The following EYS variants were observed in gnomAD, a reference collection of about 807,000 sequenced individuals.
EYS encodes EGF-like photoreceptor maintenance factor, also known as protein eyes shut homolog.
Under a neutral mutation model 282.1 loss-of-function variants are expected in EYS, and 250 were observed. That is an observed-to-expected ratio of 0.89 (90% CI 0.80 to 0.98). The LOEUF is 0.98. Among genes scored for constraint, EYS ranks in the 50% least tolerant of loss-of-function variants. The probability of loss-of-function intolerance (pLI) is 0.00; values close to 1 mark genes in which losing one functional copy is unlikely to be tolerated. For missense variants in EYS, 4,016 were observed against 3,709.0 expected (o/e 1.08, Z -2.15); for synonymous variants, 1,355 against 1,282.9 (o/e 1.06, Z -1.20).
At position 64,854,953 on chromosome 6, in the gene EYS, GT is replaced by G. The variant is rs1766007549; in HGVS notation, c.2992+31743del. On this transcript the variant is annotated intron_variant, in intron 19 of 42. Transcript: ENST00000503581. ...AAGATATTTTCATTTAGACTTTTGT[GT>G]TGACAGTTTTTTTAAATATCATTAC... Among the ~76,000 whole-genome samples the G allele has an allele frequency of 2.6e-5, 4 of 152,136 alleles. No homozygotes were observed. The South Asian group carries it at 8.3e-4, about 32-fold the overall frequency.
intron 8 of EYS, among the ~76,000 whole-genome samples, chr6:65,359,965 A>T (rs1189085956): frequency 2.0e-5 from 3 of 151,852 alleles, no homozygotes; most frequent in African/African-American, 7.2e-5. Flanking sequence ...AAGACATAAA[A>T]CCTTTATACT....
At chr6:65,290,088 G>A (rs1768481460) in intron 12 of EYS, among the ~76,000 whole-genome samples, 2 of 150,996 alleles carry the variant, frequency 1.3e-5, no homozygotes, top group South Asian at 2.1e-4. Context: ...TAGAATACAG[G>A]CAAAGCAATA....
intron 33 of EYS, among the ~76,000 whole-genome samples, chr6:64,065,954 G>A (rs758849948): frequency 9.9e-5 from 15 of 152,056 alleles, no homozygotes; most frequent in Admixed American, 3.9e-4. Flanking sequence ...TGTTACACAC[G>A]TAAATAACAT....
intron 22 of EYS, among the ~76,000 whole-genome samples, chr6:64,797,048 A>T (rs1056977695): frequency 2.0e-5 from 3 of 152,120 alleles, no homozygotes; most frequent in African/African-American, 7.2e-5. Context: ...AATTTCAAAC[A>T]AGGAGAAAAA....
intron 19 of EYS, among the ~76,000 whole-genome samples, chr6:64,877,072 C>T (rs1023251062): frequency 6.6e-6 from 1 of 152,082 alleles, no homozygotes; most frequent in African/African-American, 2.4e-5. Context: ...GGGGCTTAGA[C>T]TAGGATCATT....
chr6:63,990,691 A>G (rs999406631), intron 34 of EYS, among the ~76,000 whole-genome samples: 2 of 151,708 alleles, frequency 1.3e-5, no homozygotes, highest in African/African-American at 4.8e-5. Context: ...GAGGTAAAGA[A>G]TGAGGGCATG....
At chr6:65,186,763 G>T (rs1449194916) in intron 12 of EYS, among the ~76,000 whole-genome samples, 1 of 151,674 alleles carries the variant, frequency 6.6e-6, no homozygotes, top group Non-Finnish European at 1.5e-5. Context: ...AGTGTAAAAA[G>T]TCACCATAGC....
At chr6:65,087,141 C>T (rs1337096878) in intron 12 of EYS, among the ~76,000 whole-genome samples, 3 of 151,830 alleles carry the variant, frequency 2.0e-5, no homozygotes, top group Non-Finnish European at 4.4e-5. Context: ...TTTTTTAACG[C>T]GGTAACATAA....
chr6:65,530,362 C>T (rs1054833594), intron 2 of EYS, among the ~76,000 whole-genome samples: 2 of 152,124 alleles, frequency 1.3e-5, no homozygotes, highest in African/African-American at 4.8e-5. Flanking sequence ...ATTCAGCCCA[C>T]CACCTGTCTT....
chr6:63,991,896 T>C (rs1425259914), intron 34 of EYS, among the ~76,000 whole-genome samples: 6 of 151,786 alleles, frequency 4.0e-5, no homozygotes, highest in Non-Finnish European at 8.8e-5. Flanking sequence ...TAGATTTTTT[T>C]CCACAGAAAC....
At chr6:63,768,558 T>C (rs943853292) in intron 40 of EYS, among the ~76,000 whole-genome samples, 1 of 152,028 alleles carries the variant, frequency 6.6e-6, no homozygotes, top group East Asian at 1.9e-4. Context: ...ATGGCTATTA[T>C]AAAATGTAAA....
intron 22 of EYS, among the ~76,000 whole-genome samples, chr6:64,778,441 A>T (rs547295104): frequency 6.6e-6 from 1 of 152,324 alleles, no homozygotes; most frequent in Admixed American, 6.5e-5. Flanking sequence ...ATAGGGGAAG[A>T]CAATCTGCCC....
At chr6:65,660,219 A>G (rs1014648780) in intron 1 of EYS, among the ~76,000 whole-genome samples, 4 of 151,816 alleles carry the variant, frequency 2.6e-5, no homozygotes, top group African/African-American at 9.7e-5. Context: ...GAATTAGGGA[A>G]TAAATACTAT....
chr6:64,024,720 C>T (rs1442100112), intron 33 of EYS, among the ~76,000 whole-genome samples: 4 of 152,034 alleles, frequency 2.6e-5, no homozygotes, highest in African/African-American at 9.7e-5. Context: ...CAACTCCAGA[C>T]GTGCCACCTT....
chr6:64,255,070 T>C (rs1166765905), intron 30 of EYS, among the ~76,000 whole-genome samples: 6 of 152,074 alleles, frequency 3.9e-5, no homozygotes, highest in Non-Finnish European at 5.9e-5. Context: ...TACTAATTGC[T>C]ATAGAAAGAT....
chr6:64,880,325 A>G lies in EYS; in HGVS notation c.2992+6372T>C, dbSNP rs1006413342. On this transcript the variant is annotated intron_variant, in intron 19 of 42. Coordinates refer to ENST00000503581, the MANE Select transcript of EYS (RefSeq NM_001142800.2). ...TTATGATATGATGGTGCTTTTTTAT[A>G]TAATTGTATATACATGCTATGAAGA... 1.1e-4 allele frequency among the ~76,000 whole-genome samples: 16 copies of G among 152,058 alleles called. No individual in the cohort carries two copies. The East Asian group carries it at 2.7e-3, about 26-fold the overall frequency.
intron 12 of EYS, among the ~76,000 whole-genome samples, chr6:65,160,110 G>GTT (rs202231047): frequency 1.3e-5 from 2 of 150,218 alleles, no homozygotes; most frequent in African/African-American, 4.9e-5. Context: ...TCAGTACAGC[G>GTT]TTTTTTTTGT....
chr6:65,468,125 A>G (rs1242927554), intron 5 of EYS, among the ~76,000 whole-genome samples: 3 of 152,158 alleles, frequency 2.0e-5, no homozygotes, highest in Non-Finnish European at 2.9e-5. Context: ...GAGCACTCCT[A>G]TGACACTTTA....
intron 34 of EYS, among the ~76,000 whole-genome samples, chr6:63,985,356 C>A (rs564305396): frequency 6.6e-6 from 1 of 151,718 alleles, no homozygotes; most frequent in South Asian, 2.1e-4. Flanking sequence ...ATGGAAAGAA[C>A]CCTACAGTTC....
Sources: gnomAD v4.1 joint callset for allele counts (sites outside exome capture counted in the v4.1 genomes callset) on GRCh38, gnomAD v4.1.1 for gene constraint, MANE v1.5 for transcripts, NCBI Gene and HGNC (gene_info 2026-07-23, HGNC 2026-07-21) for gene names.